CNTN5: variants seen among roughly 807,000 people sequenced by gnomAD.
CNTN5 encodes the protein contactin-5.
In CNTN5, 77 loss-of-function variants were observed where a neutral mutation model predicts 129.1. That is an observed-to-expected ratio of 0.60 (90% CI 0.50 to 0.72). CNTN5 has a LOEUF of 0.72. Among genes scored for constraint, CNTN5 ranks in the 30% least tolerant of loss-of-function variants. The pLI, the probability that CNTN5 is intolerant of heterozygous loss-of-function variation, is 0.00. For missense variants in CNTN5, 1,478 were observed against 1,328.8 expected (o/e 1.11, Z -1.75); for synonymous variants, 509 against 465.6 (o/e 1.09, Z -1.20).
chr11:99,722,268 T>C (rs1041922492), intron 3 of CNTN5, among the ~76,000 whole-genome samples: 1 of 152,168 alleles, frequency 6.6e-6, no homozygotes, highest in Admixed American at 6.5e-5. Flanking sequence ...AAAGAAAATG[T>C]GGTACATATA....
intron 3 of CNTN5, among the ~76,000 whole-genome samples, chr11:99,641,986 C>T (rs575350961): frequency 6.6e-6 from 1 of 152,136 alleles, no homozygotes; most frequent in Non-Finnish European, 1.5e-5. Flanking sequence ...CATGTGACCT[C>T]CTCCCTTTGG....
At chr11:99,700,327 C>T (rs1312555177) in intron 3 of CNTN5, among the ~76,000 whole-genome samples, 1 of 151,362 alleles carries the variant, frequency 6.6e-6, no homozygotes, top group Admixed American at 6.6e-5. Context: ...GTGAAAATAA[C>T]TTTGCCAATC....
At chr11:100,180,014 T>A (rs1253085000) in intron 13 of CNTN5, among the ~76,000 whole-genome samples, 1 of 152,018 alleles carries the variant, frequency 6.6e-6, no homozygotes, top group African/African-American at 2.4e-5. Flanking sequence ...ACAAAAACTC[T>A]TCCAGAGATT....
intron 1 of CNTN5, among the ~76,000 whole-genome samples, chr11:99,040,953 C>G (rs1426289529): frequency 6.6e-6 from 1 of 152,060 alleles, no homozygotes; most frequent in Non-Finnish European, 1.5e-5. Context: ...TAATGCCATT[C>G]CAATCATCAG....
chr11:100,074,630 C>T (rs952068964), intron 13 of CNTN5, among the ~76,000 whole-genome samples: 1 of 152,082 alleles, frequency 6.6e-6, no homozygotes, highest in Admixed American at 6.6e-5. Context: ...AATTTTTAAG[C>T]ATTGTGTTTT....
At chr11:100,350,679 C>G in intron 23 of CNTN5, 23 bp from the exon 24 acceptor site, 1 of 1,581,198 alleles carries the variant, frequency 6.3e-7, no homozygotes, top group Non-Finnish European at 8.6e-7. Context: ...TATCAAATGT[C>G]TAAACCTTGT....
At chr11:99,679,948 G>A (rs1953478102) in intron 3 of CNTN5, among the ~76,000 whole-genome samples, 1 of 152,168 alleles carries the variant, frequency 6.6e-6, no homozygotes, top group Admixed American at 6.5e-5. Context: ...AGTTTGAGTG[G>A]TCTGGAGAGA....
intron 1 of CNTN5, among the ~76,000 whole-genome samples, chr11:99,319,414 T>G (rs563822895): frequency 6.6e-6 from 1 of 152,304 alleles, no homozygotes; most frequent in East Asian, 1.9e-4. Flanking sequence ...CTTCTCTGAA[T>G]GCTCAGTAAT....
intron 8 of CNTN5, among the ~76,000 whole-genome samples, chr11:99,996,731 C>T (rs1939471930): frequency 6.6e-6 from 1 of 152,010 alleles, no homozygotes; most frequent in Admixed American, 6.5e-5. Flanking sequence ...CTGGGAAGGC[C>T]TCAGGAAACT....
chr11:99,593,518 T>C (rs1037680529), intron 3 of CNTN5, among the ~76,000 whole-genome samples: 6 of 152,118 alleles, frequency 3.9e-5, no homozygotes, highest in African/African-American at 1.4e-4. Context: ...TATGACAGAA[T>C]AGTAATTTTT....
At chr11:99,165,758 G>A (rs1323336227) in intron 1 of CNTN5, among the ~76,000 whole-genome samples, 1 of 152,112 alleles carries the variant, frequency 6.6e-6, no homozygotes, top group African/African-American at 2.4e-5. Flanking sequence ...GTCAAAATAA[G>A]AGATCGCATC....
At chr11:99,471,031 T>G (rs1378966625) in intron 2 of CNTN5, among the ~76,000 whole-genome samples, 1 of 152,106 alleles carries the variant, frequency 6.6e-6, no homozygotes, top group Non-Finnish European at 1.5e-5. Flanking sequence ...ATATCTGAAC[T>G]GATTCTGAAC....
chr11:99,312,922 A>T (rs908208866), intron 1 of CNTN5, among the ~76,000 whole-genome samples: 9 of 152,030 alleles, frequency 5.9e-5, no homozygotes, highest in Non-Finnish European at 1.0e-4. Flanking sequence ...CAAGATTTTA[A>T]TGAAGGTACT....
At position 100,070,449 on chromosome 11, in the gene CNTN5, G is replaced by T. The variant is rs1943876186; in HGVS notation, c.1188G>T (p.Leu396=). 1 of 1,612,220 alleles carries T rather than the reference G, an allele frequency of 6.2e-7. No individual in the cohort carries two copies. The highest frequency in any genetic ancestry group is 8.5e-7 in the Non-Finnish European group (1 of 1,179,028). ...VYTYPHWVEK[L]NDTQLDSGSP... is the part of the protein sequence containing the mutation. ...CCTACCCACACTGGGTAGAAAAACT[G>T]AATGATACTCAGTTAGACAGTGGGA... The change falls in exon 11 of 25, where the codon CTG becomes CTT. Residue 396 remains leucine (L), a synonymous_variant. Transcript: ENST00000524871.
intron 7 of CNTN5, among the ~76,000 whole-genome samples, chr11:99,928,739 C>T (rs1277249423): frequency 6.6e-6 from 1 of 152,172 alleles, no homozygotes. Flanking sequence ...AGACTTCTCA[C>T]ACGCTCTGGA....
At chr11:99,695,751 A>G (rs996682453) in intron 3 of CNTN5, among the ~76,000 whole-genome samples, 3 of 151,994 alleles carry the variant, frequency 2.0e-5, no homozygotes, top group Admixed American at 6.6e-5. Flanking sequence ...AAAGAAAGCG[A>G]AAAAATAAAA....
chr11:99,368,871 G>GT (rs199865127), intron 2 of CNTN5, among the ~76,000 whole-genome samples: 1,572 of 152,158 alleles, frequency 0.01, 14 homozygotes, highest in Admixed American at 0.02. Flanking sequence ...GTAACAAAAC[G>GT]TAAGAGTTTC....
chr11:99,938,093 T>C (rs1287971735), intron 7 of CNTN5, among the ~76,000 whole-genome samples: 2 of 152,118 alleles, frequency 1.3e-5, no homozygotes, highest in Non-Finnish European at 2.9e-5. Context: ...TCTAACAAAA[T>C]AAATCAAAAG....
chr11:99,302,487 A>G (rs972473756), intron 1 of CNTN5, among the ~76,000 whole-genome samples: 4 of 151,820 alleles, frequency 2.6e-5, no homozygotes, highest in Non-Finnish European at 4.4e-5. Context: ...GAAAGTGACT[A>G]CTAAATGGTA....
Sources: gnomAD v4.1 joint callset for allele counts (sites outside exome capture counted in the v4.1 genomes callset) on GRCh38, gnomAD v4.1.1 for gene constraint, MANE v1.5 for transcripts, NCBI Gene and HGNC (gene_info 2026-07-23, HGNC 2026-07-21) for gene names.